The following GCKR variants were observed in gnomAD, a reference collection of about 807,000 sequenced individuals.
The protein encoded by GCKR is glucokinase regulator, also known as glucokinase regulatory protein.
GCKR carries 73 observed loss-of-function variants against 82.9 expected under a neutral mutation model. That is an observed-to-expected ratio of 0.88 (90% CI 0.73 to 1.07). The LOEUF is 1.07. GCKR is among the 50% of genes least tolerant of loss of function. The pLI, the probability that GCKR is intolerant of heterozygous loss-of-function variation, is 0.00. For synonymous variants in GCKR, 294 were observed against 291.8 expected, an observed-to-expected ratio of 1.01 and a Z score of -0.08; for missense variants, 784 against 782.1, an observed-to-expected ratio of 1.00 and a Z score of -0.03.
At chr2:27,501,878 C>T in intron 8 of GCKR, 1 of 387,988 alleles carries the variant, frequency 2.6e-6, no homozygotes, top group South Asian at 2.0e-5. Context: ...GGGAATGTTA[C>T]AAAAAAATAA....
At position 27,507,294 on chromosome 2, in the gene GCKR, G is replaced by A. The variant is rs751456725; in HGVS notation, c.1126G>A (p.Ala376Thr). 1.2e-6 allele frequency: 2 copies of A among 1,610,164 alleles called. No homozygotes were observed. Among genetic ancestry groups the A allele is most frequent in the Admixed American group, 1.7e-5 (1 of 60,026 alleles). Residue 376 changes from alanine (A) to threonine (T), a missense_variant, in exon 13 of 19, where the codon GCT (alanine) becomes ACT (threonine). Transcript: ENST00000264717. Reference sequence around the variant, plus strand: ...TCACAGTGACATGTTTAACCAGAAGGCTGAGCTCACCAACCAGGTCGGAGA... The same window carrying A: ...TCACAGTGACATGTTTAACCAGAAGACTGAGCTCACCAACCAGGTCGGAGA... ...GDHSDMFNQKAELTNQGPQFT... is the reference protein window; with the variant it reads ...GDHSDMFNQKTELTNQGPQFT...
intron 8 of GCKR, among the ~76,000 whole-genome samples, chr2:27,502,121 C>T (rs1380110200): frequency 1.3e-5 from 2 of 152,094 alleles, no homozygotes; most frequent in Non-Finnish European, 2.9e-5. Context: ...TTGTATTTAG[C>T]GGTGGTCTTG....
intron 12 of GCKR, 59 bp from the exon 13 acceptor site, chr2:27,507,176 A>G: frequency 8.4e-7 from 1 of 1,192,886 alleles, no homozygotes; most frequent in Admixed American, 1.7e-5. Flanking sequence ...CCTGAAGCCT[A>G]GAACCTTCCT....
chr2:27,503,384 A>G, intron 8 of GCKR, 130 bp from the exon 9 acceptor site: 1 of 713,482 alleles, frequency 1.4e-6, no homozygotes, highest in Non-Finnish European at 2.6e-6. Context: ...GTTCCAAAGC[A>G]TATGTCTGTA....
intron 17 of GCKR, among the ~76,000 whole-genome samples, 167 bp downstream of exon 17, chr2:27,519,104 C>T (rs1337758281): frequency 1.3e-5 from 2 of 152,156 alleles, no homozygotes; most frequent in Admixed American, 6.5e-5. Flanking sequence ...AGTGTGTGTG[C>T]ACACATGGGT....
intron 6 of GCKR, 46 bp from the exon 7 acceptor site, chr2:27,499,351 C>T: frequency 2.7e-6 from 4 of 1,502,080 alleles, no homozygotes; most frequent in Non-Finnish European, 3.7e-6. Flanking sequence ...GATTTGTGCC[C>T]TGGAATCCTC....
At chr2:27,499,960 G>A (rs1015243842) in intron 7 of GCKR, among the ~76,000 whole-genome samples, 1 of 152,018 alleles carries the variant, frequency 6.6e-6, no homozygotes, top group South Asian at 2.1e-4. Flanking sequence ...GTTTCACCAT[G>A]TTGGCCAGGC....
intron 8 of GCKR, 139 bp from the exon 9 acceptor site, chr2:27,503,375 T>G (rs1669631778): frequency 1.4e-6 from 1 of 703,756 alleles, no homozygotes; most frequent in South Asian, 1.5e-5. Context: ...CCTCTAAAAG[T>G]TCCAAAGCAT....
At chr2:27,517,170 T>C (rs930076303) in intron 16 of GCKR, among the ~76,000 whole-genome samples, 1 of 151,982 alleles carries the variant, frequency 6.6e-6, no homozygotes, top group African/African-American at 2.4e-5. Context: ...CTTGCTACCA[T>C]GCCTGGCTAA....
Position 27,514,233 on chromosome 2 carries a change from A to G in GCKR, c.1423-4555A>G, listed in dbSNP as rs8179222. On this transcript the variant is annotated intron_variant, in intron 16 of 18. Transcript: ENST00000264717. ...CATATACATATGTATGTTTGTTTAC[A>G]TACAGATGAATGTGTCTGCGTATAT... 3.0e-4 allele frequency among the ~76,000 whole-genome samples: 45 copies of G among 152,208 alleles called. No homozygotes were observed. The South Asian group carries it at 9.3e-3, about 32-fold the overall frequency.
In GCKR at chr2:27,508,193, C is replaced by G; in HGVS notation, c.1364C>G (p.Ser455Cys). The G allele has an allele frequency of 6.2e-7, 1 of 1,612,216 alleles. No homozygotes were observed. The highest frequency in any genetic ancestry group is 1.3e-5 in the African/African-American group (1 of 75,006). The change falls in exon 16 of 19, where the codon TCC becomes TGC. Residue 455 changes from serine (S) to cysteine (C), a missense_variant. Coordinates refer to ENST00000264717, the MANE Select transcript of GCKR (RefSeq NM_001486.4). ...ATCCCTCTGAAGAAGCTCTTTCCCT[C>G]CATCATCAGCATCACATGGCCACTG... ...LLIPLKKLFP[S>C]IISITWPLLF...
chr2:27,499,569 A>G, intron 7 of GCKR, 119 bp downstream of exon 7: 1 of 849,702 alleles, frequency 1.2e-6, no homozygotes, highest in Non-Finnish European at 2.1e-6. Flanking sequence ...TTGCTCAAGG[A>G]ATTTTGGTTT....
At chr2:27,502,239 T>G (rs1415232620) in intron 8 of GCKR, among the ~76,000 whole-genome samples, 1 of 152,230 alleles carries the variant, frequency 6.6e-6, no homozygotes, top group African/African-American at 2.4e-5. Flanking sequence ...CTCCTAACCC[T>G]GATCCTTTTC....
chr2:27,505,724 G>T lies in GCKR; in HGVS notation c.757G>T (p.Gly253Cys). Residue 253 changes from glycine (G) to cysteine (C), a missense_variant, in exon 10 of 19, where the codon GGT becomes TGT. Coordinates refer to ENST00000264717, the MANE Select transcript of GCKR (RefSeq NM_001486.4). ...FVLNPAIGPE[G>C]LSGSSRMKGG... The stretch of plus-strand genomic sequence containing the variant: ...GGTGTCTTCACCTCTTCAGCCCGAG[G>T]GTCTCAGCGGCTCCTCCCGGATGAA... 1 of 1,594,148 alleles carries T rather than the reference G, an allele frequency of 6.3e-7. No individual in the cohort carries two copies. Among genetic ancestry groups the T allele is most frequent in the East Asian group, 2.2e-5 (1 of 44,786 alleles).
rs180949310 is a variant in GCKR, at chr2:27,510,255, C to T, written c.1422+2004C>T. On this transcript the variant is annotated intron_variant, in intron 16 of 18. Coordinates refer to ENST00000264717, the MANE Select transcript of GCKR (RefSeq NM_001486.4). ...CGATCTTCTGAACTTGTGATCCACCCGCCTCAGCCTCCCAAAGTGCTGCGA... is the reference window on the plus strand; with the variant it reads ...CGATCTTCTGAACTTGTGATCCACCTGCCTCAGCCTCCCAAAGTGCTGCGA... Among the ~76,000 whole-genome samples, 607 of 152,182 alleles carry T rather than the reference C, an allele frequency of 4.0e-3. 1 individual carries two copies. Among genetic ancestry groups the T allele is most frequent in the Middle Eastern group, 6.8e-3 (2 of 294 alleles).
At position 27,505,718 on chromosome 2, in the gene GCKR, C is replaced by A. The variant is rs745945801; in HGVS notation, c.751C>A (p.Pro251Thr). The A allele has an allele frequency of 6.3e-7, 1 of 1,577,416 alleles. No individual in the cohort carries two copies. Among genetic ancestry groups the A allele is most frequent in the South Asian group, 1.1e-5 (1 of 90,360 alleles). Residue 251 changes from proline to threonine, a missense_variant and splice_region_variant, in exon 10 of 19, where the codon CCC becomes ACC. Pro to Thr is a conservative substitution (Grantham distance 38, BLOSUM62 -1). Coordinates refer to ENST00000264717, the MANE Select transcript of GCKR (RefSeq NM_001486.4). Reference sequence around the variant, plus strand: ...CTCTTGGGTGTCTTCACCTCTTCAGCCCGAGGGTCTCAGCGGCTCCTCCCG... The same window carrying A: ...CTCTTGGGTGTCTTCACCTCTTCAGACCGAGGGTCTCAGCGGCTCCTCCCG... ...KAFVLNPAIG[P>T]EGLSGSSRMK...
At chr2:27,510,069 C>T (rs1053004067) in intron 16 of GCKR, among the ~76,000 whole-genome samples, 6 of 151,216 alleles carry the variant, frequency 4.0e-5, no homozygotes, top group Non-Finnish European at 8.8e-5. Flanking sequence ...AGTGCAGTGG[C>T]GCGATCTCCG....
rs147073127 is a variant in GCKR at position 27,503,570 on chromosome 2, A to C, written c.701A>C (p.Gln234Pro). 2.9e-3 allele frequency: 4,731 copies of C among 1,611,874 alleles called. 13 individuals are homozygous for C. Among genetic ancestry groups the C allele is most frequent in the Non-Finnish European group, 3.6e-3 (4,228 of 1,177,946 alleles). ...STFRQVAERMQKMQEKQKAFV... is the reference protein window; with the variant it reads ...STFRQVAERMPKMQEKQKAFV... ...TTCCGACAAGTAGCAGAGCGGATGC[A>C]GAAAATGCAGGAGAAACAGAAAGCT... Residue 234 changes from glutamine to proline, a missense_variant, in exon 9 of 19, where the codon CAG becomes CCG. By Grantham distance (76) the Gln-to-Pro change is moderately conservative (BLOSUM62 -1). Coordinates refer to ENST00000264717, the MANE Select transcript of GCKR (RefSeq NM_001486.4).
chr2:27,508,257 G>T lies in GCKR; in HGVS notation c.1422+6G>T. ...ATGAAGGGAACTTCATCCAGGTATG[G>T]GGAATGAGAAGGTCCTATCTGCAGT... On this transcript the variant is annotated splice_donor_region_variant and intron_variant, in intron 16 of 18. Coordinates refer to ENST00000264717, the MANE Select transcript of GCKR (RefSeq NM_001486.4). 1.3e-6 allele frequency: 2 copies of T among 1,562,586 alleles called. No individual in the cohort carries two copies. The highest frequency in any genetic ancestry group is 2.2e-5 in the South Asian group (2 of 89,998).
Sources: allele counts gnomAD v4.1 joint callset (sites outside exome capture counted in the v4.1 genomes callset), GRCh38; gene constraint gnomAD v4.1.1; transcripts MANE v1.5; gene names NCBI Gene and HGNC (gene_info 2026-07-23, HGNC 2026-07-21).